ZSCAN10: variants seen among roughly 807,000 people sequenced by gnomAD.
ZSCAN10 encodes the protein zinc finger and SCAN domain-containing protein 10.
A neutral mutation model predicts 63.7 loss-of-function variants in ZSCAN10; 52 were observed. That is an observed-to-expected ratio of 0.82 (90% CI 0.65 to 1.03). ZSCAN10 has a LOEUF of 1.03. Among genes scored for constraint, ZSCAN10 ranks in the 50% least tolerant of loss-of-function variants. The pLI, the probability that ZSCAN10 is intolerant of heterozygous loss-of-function variation, is 0.00. For missense variants in ZSCAN10, 1,223 were observed against 1,103.8 expected (o/e 1.11, Z -1.53); for synonymous variants, 544 against 479.6 (o/e 1.13, Z -1.76).
chr16:3,092,635 C>G lies in ZSCAN10; in HGVS notation c.303G>C (p.Leu101=). The G allele has an allele frequency of 1.2e-6, 2 of 1,610,388 alleles. No homozygotes were observed. Among genetic ancestry groups the G allele is most frequent in the Non-Finnish European group, 1.7e-6 (2 of 1,178,818 alleles). Residue 101 remains leucine (L), a synonymous_variant, in exon 2 of 6, where the codon CTG becomes CTC. Coordinates refer to ENST00000576985, the MANE Select transcript of ZSCAN10 (RefSeq NM_032805.3). Reference sequence around the variant, plus strand: ...TGAGCGGCTGCCCCTGCAGGCGGCCCAGGAGGTGCGGAGGCAGCACACTCA... The same window carrying G: ...TGAGCGGCTGCCCCTGCAGGCGGCCGAGGAGGTGCGGAGGCAGCACACTCA... The part of the protein sequence containing the change: ...QFLSVLPPHL[L]GRLQGQPLRD...
At position 3,092,776 on chromosome 16, in the gene ZSCAN10, C is replaced by G; in HGVS notation, c.162G>C (p.Glu54Asp). ...TCAGGGACGCCCGTGGCCCCATGTC[C>G]TCCTGATACTGGAAGCATCTGAACA... Reference protein sequence around the residue: ...HQLFRCFQYQEDMGPRASLSR... With the variant: ...HQLFRCFQYQDDMGPRASLSR... Residue 54 changes from glutamate (E) to aspartate (D), a missense_variant, in exon 2 of 6, where the codon GAG becomes GAC. Glu to Asp is a conservative substitution (Grantham distance 45). Transcript: ENST00000576985. The G allele has an allele frequency of 1.9e-6, 3 of 1,598,142 alleles. No homozygotes were observed. Among genetic ancestry groups the G allele is most frequent in the Non-Finnish European group, 2.6e-6 (3 of 1,172,794 alleles).
chr16:3,094,465 C>G (rs560746002), intron 1 of ZSCAN10, among the ~76,000 whole-genome samples: 1 of 152,324 alleles, frequency 6.6e-6, no homozygotes, highest in African/African-American at 2.4e-5. Flanking sequence ...CGTCCGTCAG[C>G]TTCGTGAGTA....
At chr16:3,097,114 ACT>A (rs1957162598) in intron 1 of ZSCAN10, among the ~76,000 whole-genome samples, 1 of 150,174 alleles carries the variant, frequency 6.7e-6, no homozygotes, top group Non-Finnish European at 1.5e-5. Context: ...AAAAAAAGTA[ACT>A]CAGCCTTGGG....
At chr16:3,098,808 G>A (rs937066037) in intron 1 of ZSCAN10, among the ~76,000 whole-genome samples, 9 of 152,246 alleles carry the variant, frequency 5.9e-5, no homozygotes, top group African/African-American at 1.9e-4. Flanking sequence ...AGGCGGCAAA[G>A]GTGGGGTCCT....
At position 3,089,180 on chromosome 16, in the gene ZSCAN10, A is replaced by G; in HGVS notation, c.2254T>C (p.Tyr752His). The change falls in exon 6 of 6, where the codon TAC becomes CAC. Residue 752 changes from tyrosine (Y) to histidine (H), a missense_variant. Coordinates refer to ENST00000576985, the MANE Select transcript of ZSCAN10 (RefSeq NM_032805.3). ...CTGCGGCCACACTGCGTGCAGGAGT[A>G]GGGCCTGGCGCCCGTGTGCACCAGC... is the stretch of plus-strand genomic sequence containing the variant. ...HLLVHTGARPYSCTQCGRSFS... is the reference protein window; with the variant it reads ...HLLVHTGARPHSCTQCGRSFS... 1 of 1,574,448 alleles carries G rather than the reference A, an allele frequency of 6.4e-7. No individual in the cohort carries two copies. The highest frequency in any genetic ancestry group is 8.6e-7 in the Non-Finnish European group (1 of 1,168,298).
At chr16:3,098,686 A>T (rs1412314180) in intron 1 of ZSCAN10, among the ~76,000 whole-genome samples, 5 of 152,184 alleles carry the variant, frequency 3.3e-5, no homozygotes, top group Non-Finnish European at 5.9e-5. Context: ...GTAGGGAGGC[A>T]GGCAGAGGCT....
rs757739120 is a variant in ZSCAN10 at position 3,089,764 on chromosome 16, C to T, written c.1670G>A (p.Arg557His). The change falls in exon 6 of 6, where the codon CGC (arginine) becomes CAC (histidine). Residue 557 changes from arginine (R) to histidine (H), a missense_variant. Transcript: ENST00000576985. ...CAGCTGCGAGCTCTGCGTGAAGCTG[C>T]GGCCGCAAGCCTGGCAGGAGAAGGG... ...ERPFSCQACG[R>H]SFTQSSQLVS... The T allele has an allele frequency of 4.2e-5, 67 of 1,597,524 alleles. 1 individual carries two copies. The Middle Eastern group carries it at 8.2e-4, about 20-fold the overall frequency.
chr16:3,090,037 C>A lies in ZSCAN10; in HGVS notation c.1397G>T (p.Ser466Ile). The change falls in exon 6 of 6, where the codon AGT becomes ATT. Residue 466 changes from serine to isoleucine, a missense_variant. Transcript: ENST00000576985. ...GGTCAGTGGCGGCGCTTCGGCCTTA[C>A]TCTCAGGAGCGCAGGGCGGCTTCTG... Reference protein sequence around the residue: ...QDQKPPCAPESKAEAPPLTDV... With the variant: ...QDQKPPCAPEIKAEAPPLTDV... 2 of 1,598,490 alleles carry A rather than the reference C, an allele frequency of 1.3e-6. No individual in the cohort carries two copies. Among genetic ancestry groups the A allele is most frequent in the Non-Finnish European group, 1.7e-6 (2 of 1,175,700 alleles).
intron 1 of ZSCAN10, among the ~76,000 whole-genome samples, chr16:3,098,494 A>G (rs910913794): frequency 8.5e-5 from 13 of 152,170 alleles, no homozygotes; most frequent in Non-Finnish European, 1.3e-4. Context: ...AAAAATGAAG[A>G]TTCCAAATTT....
rs1423177969 is a variant in ZSCAN10 at position 3,089,399 on chromosome 16, G to A, written c.2035C>T (p.Arg679Cys). Residue 679 changes from arginine (R) to cysteine (C), a missense_variant, in exon 6 of 6, where the codon CGC becomes TGC. Arg to Cys is a radical substitution (Grantham distance 180, BLOSUM62 -3). Coordinates refer to ENST00000576985, the MANE Select transcript of ZSCAN10 (RefSeq NM_032805.3). Reference protein sequence around the residue: ...HRFRNSSNLARHRRSHTGERP... With the variant: ...HRFRNSSNLACHRRSHTGERP... ...TCGCCCGTGTGGCTGCGGCGATGGC[G>A]GGCCAGGTTGGAGCTATTGCGGAAA... The A allele has an allele frequency of 1.3e-6, 2 of 1,598,398 alleles. No homozygotes were observed. The highest frequency in any genetic ancestry group is 1.7e-6 in the Non-Finnish European group (2 of 1,176,638).
In ZSCAN10 at chr16:3,090,183, C is replaced by A; in HGVS notation, c.1251G>T (p.Ser417=). Residue 417 remains serine, a synonymous_variant, in exon 6 of 6, where the codon TCG becomes TCT. Coordinates refer to ENST00000576985, the MANE Select transcript of ZSCAN10 (RefSeq NM_032805.3). ...GGGTCAGCAGGTGCTTGCTCAGGTGCGAGCTCTGGCGGAAGCGGTGGCCGC... is the reference window on the plus strand; with the variant it reads ...GGGTCAGCAGGTGCTTGCTCAGGTGAGAGCTCTGGCGGAAGCGGTGGCCGC... The part of the protein sequence containing the change: ...HLCGHRFRQS[S]HLSKHLLTHS... The A allele has an allele frequency of 1.9e-6, 3 of 1,604,746 alleles. No individual in the cohort carries two copies. Among genetic ancestry groups the A allele is most frequent in the Non-Finnish European group, 2.5e-6 (3 of 1,178,898 alleles).
Position 3,092,982 on chromosome 16 carries a change from G to A in ZSCAN10, c.-45C>T, listed in dbSNP as rs932046319. 7.2e-7 allele frequency: 1 copy of A among 1,395,976 alleles called. No individual in the cohort carries two copies. The highest frequency in any genetic ancestry group is 9.3e-7 in the Non-Finnish European group (1 of 1,078,512). The allele number at this position is 1,395,976 out of a possible 1,614,324, so 86.5% of individuals were successfully genotyped here. A position where few individuals can be genotyped will look rare whatever the true frequency, so the allele number is the denominator to read the frequency against. The stretch of plus-strand genomic sequence containing the variant: ...TCCCTAACGCCAGCCCCGCTCTTGG[G>A]TCTCTCTCCTCTCCTCCCACACCTG... On this transcript the variant is annotated 5_prime_UTR_variant, in exon 2 of 6. Transcript: ENST00000576985.
chr16:3,090,541 C>T lies in ZSCAN10; in HGVS notation c.893G>A (p.Gly298Glu). 6.2e-7 allele frequency: 1 copy of T among 1,611,652 alleles called. No individual in the cohort carries two copies. Among genetic ancestry groups the T allele is most frequent in the Non-Finnish European group, 8.5e-7 (1 of 1,178,514 alleles). ...ILAESQADSP[G>E]VPGEPCAQSL... ...CTGGGCGCAAGGCTCTCCCGGCACC[C>T]CAGGACTATCTGCCTGGGACTCTGC... Residue 298 changes from glycine to glutamate, a missense_variant, in exon 6 of 6, where the codon GGG becomes GAG. By Grantham distance (98) the Gly-to-Glu change is moderately conservative. Coordinates refer to ENST00000576985, the MANE Select transcript of ZSCAN10 (RefSeq NM_032805.3).
rs190223533 is a variant in ZSCAN10 at position 3,094,736 on chromosome 16, G to A, written c.-67-1732C>T. On this transcript the variant is annotated intron_variant, in intron 1 of 5. Coordinates refer to ENST00000576985, the MANE Select transcript of ZSCAN10 (RefSeq NM_032805.3). ...CCATCTCTCAAAGAAATTGGCCTGAGTTACTCAGTGTCATAAAAAGTAAGT... is the reference window on the plus strand; with the variant it reads ...CCATCTCTCAAAGAAATTGGCCTGAATTACTCAGTGTCATAAAAAGTAAGT... Among the ~76,000 whole-genome samples, 9 of 152,120 alleles carry A rather than the reference G, an allele frequency of 5.9e-5. No individual in the cohort carries two copies. In the East Asian group the frequency reaches 1.2e-3, roughly 20 times the overall value.
intron 5 of ZSCAN10, among the ~76,000 whole-genome samples, 157 bp downstream of exon 5, chr16:3,091,383 C>G (rs1360903757): frequency 6.6e-6 from 1 of 152,170 alleles, no homozygotes; most frequent in East Asian, 1.9e-4. Flanking sequence ...GTGGCTCATG[C>G]CTGTAATCCT....
At position 3,092,246 on chromosome 16, in the gene ZSCAN10, G is replaced by A; in HGVS notation, c.467C>T (p.Ser156Phe). The change falls in exon 3 of 6, where the codon TCC becomes TTC. Residue 156 changes from serine to phenylalanine, a missense_variant. Ser to Phe is a radical substitution (Grantham distance 155, BLOSUM62 -2). Coordinates refer to ENST00000576985, the MANE Select transcript of ZSCAN10 (RefSeq NM_032805.3). ...CTTGGGGCTGTGGCTGGGGACCTGG[G>A]AAGCACACCCCTTTTCCTCCAAGGT... is the stretch of plus-strand genomic sequence containing the variant. ...DVTLEEKGCA[S>F]QVPSHSPKKE... 6.2e-7 allele frequency: 1 copy of A among 1,613,016 alleles called. No individual in the cohort carries two copies. Among genetic ancestry groups the A allele is most frequent in the Non-Finnish European group, 8.5e-7 (1 of 1,180,022 alleles).
In ZSCAN10 at chr16:3,089,622, C is replaced by G; in HGVS notation, c.1812G>C (p.Arg604=). The part of the protein sequence containing the change: ...ARHLLTHGGP[R]PHHCTQCGKS... The stretch of plus-strand genomic sequence containing the variant: ...TCCCGCACTGGGTGCAGTGGTGGGG[C>G]CGAGGGCCACCGTGGGTCAGCAGGT... The change falls in exon 6 of 6, where the codon CGG becomes CGC. Residue 604 remains arginine, a synonymous_variant. Transcript: ENST00000576985. 6.3e-7 allele frequency: 1 copy of G among 1,583,912 alleles called. No homozygotes were observed. Among genetic ancestry groups the G allele is most frequent in the Non-Finnish European group, 8.6e-7 (1 of 1,165,060 alleles).
At chr16:3,093,135 G>C (rs1237704806) in intron 1 of ZSCAN10, 131 bp from the exon 2 acceptor site, 1 of 634,956 alleles carries the variant, frequency 1.6e-6, no homozygotes, top group East Asian at 3.4e-5. Context: ...AATGGCTCAC[G>C]AGGGCAGGAC....
rs1244659170 is a variant in ZSCAN10 at position 3,092,834 on chromosome 16, T to C, written c.104A>G (p.Glu35Gly). 1 of 1,489,446 alleles carries C rather than the reference T, an allele frequency of 6.7e-7. No homozygotes were observed. Among genetic ancestry groups the C allele is most frequent in the South Asian group, 1.3e-5 (1 of 75,568 alleles). 92.3% of individuals were successfully genotyped at this position (1,489,446 alleles called of 1,614,324 possible). ...AVSPEDPRRP[E>G]SRLRPEVAHQ... is the part of the protein sequence containing the mutation. ...AGCCACCTCGGGCCTCAGCCTGGAC[T>C]CTGGTCGCCTGGGGTCCTCTGGGCT... The change falls in exon 2 of 6, where the codon GAG becomes GGG. Residue 35 changes from glutamate (E) to glycine (G), a missense_variant. By Grantham distance (98) the Glu-to-Gly change is moderately conservative (BLOSUM62 -2). Coordinates refer to ENST00000576985, the MANE Select transcript of ZSCAN10 (RefSeq NM_032805.3).
Sources: allele counts gnomAD v4.1 joint callset (sites outside exome capture counted in the v4.1 genomes callset), GRCh38; gene constraint gnomAD v4.1.1; transcripts MANE v1.5; gene names NCBI Gene and HGNC (gene_info 2026-07-23, HGNC 2026-07-21).